ME1: variants seen among roughly 807,000 people sequenced by gnomAD.
ME1 encodes the protein NADP-dependent malic enzyme.
In ME1, 74 loss-of-function variants were observed where a neutral mutation model predicts 66.4. The observed-to-expected ratio is 1.11, with a 90% CI of 0.92 to 1.35. The LOEUF is 1.35. Ranked by LOEUF, ME1 falls within the 40% of genes most tolerant of loss-of-function variation. The pLI, the probability that ME1 is intolerant of heterozygous loss-of-function variation, is 0.00. For missense variants in ME1, 750 were observed against 694.1 expected (o/e 1.08, Z -0.90); for synonymous variants, 251 against 235.6 (o/e 1.07, Z -0.60).
intron 5 of ME1, 111 bp downstream of exon 5, chr6:83,346,057 AAAGAG>A: frequency 1.2e-6 from 1 of 815,952 alleles, no homozygotes; most frequent in South Asian, 2.4e-5. Flanking sequence ...TTGGAGAGAG[AAAGAG>A]AACCAGACAA....
chr6:83,320,700 A>G lies in ME1; in HGVS notation c.601-5287T>C, dbSNP rs1768152976. On this transcript the variant is annotated intron_variant, in intron 5 of 13. Transcript: ENST00000369705. ...GAAAAATTACACAATTGAGAAAAAA[A>G]TGCTACGTTTCCCCTTCTCTTTTCT... Among the ~76,000 whole-genome samples, 7 of 152,234 alleles carry G rather than the reference A, an allele frequency of 4.6e-5. No individual in the cohort carries two copies. The South Asian group carries it at 1.2e-3, about 27-fold the overall frequency.
At chr6:83,284,421 C>G (rs986906456) in intron 6 of ME1, among the ~76,000 whole-genome samples, 1 of 152,070 alleles carries the variant, frequency 6.6e-6, no homozygotes, top group African/African-American at 2.4e-5. Context: ...TCTACCAAAA[C>G]CTGGCAAAGA....
At chr6:83,406,187 T>C (rs949960136) in intron 2 of ME1, among the ~76,000 whole-genome samples, 4 of 152,202 alleles carry the variant, frequency 2.6e-5, no homozygotes, top group East Asian at 3.9e-4. Context: ...GCCAACTTGA[T>C]TGCGGTGGAT....
intron 4 of ME1, among the ~76,000 whole-genome samples, chr6:83,349,268 A>G: frequency 6.6e-6 from 1 of 152,104 alleles, no homozygotes; most frequent in Non-Finnish European, 1.5e-5. Context: ...TCAAAGAAAA[A>G]AAGTTTTGTC....
intron 3 of ME1, among the ~76,000 whole-genome samples, chr6:83,371,136 T>A (rs370925188): frequency 6.6e-6 from 1 of 152,210 alleles, no homozygotes; most frequent in African/African-American, 2.4e-5. Flanking sequence ...AACTTTCTAA[T>A]AATTTCATTT....
chr6:83,323,510 CAAA>C (rs70987748), intron 5 of ME1, among the ~76,000 whole-genome samples: 12 of 147,670 alleles, frequency 8.1e-5, no homozygotes, highest in Non-Finnish European at 1.5e-4. Flanking sequence ...AAACAAAAAA[CAAA>C]AAAAAAACCC....
chr6:83,265,677 G>A (rs1445311736), intron 6 of ME1, among the ~76,000 whole-genome samples: 2 of 152,134 alleles, frequency 1.3e-5, no homozygotes, highest in African/African-American at 2.4e-5. Flanking sequence ...TATTGTGGTT[G>A]TCTGGAACCA....
intron 6 of ME1, among the ~76,000 whole-genome samples, chr6:83,265,775 A>G (rs1352818622): frequency 6.6e-6 from 1 of 152,210 alleles, no homozygotes; most frequent in Non-Finnish European, 1.5e-5. Context: ...CCATATATTT[A>G]TGCAATGATG....
At chr6:83,229,288 G>T in intron 9 of ME1, 1 of 349,764 alleles carries the variant, frequency 2.9e-6, no homozygotes, top group Non-Finnish European at 5.4e-6. Context: ...TTTTATAGCA[G>T]GTCTCAGAAT....
At chr6:83,257,780 AT>A (rs1380469782) in intron 6 of ME1, among the ~76,000 whole-genome samples, 4 of 152,200 alleles carry the variant, frequency 2.6e-5, no homozygotes, top group African/African-American at 9.7e-5. Context: ...GTCAATAATC[AT>A]GAGGTGCTTG....
chr6:83,250,272 A>G (rs1182631500), intron 7 of ME1, among the ~76,000 whole-genome samples: 1 of 150,278 alleles, frequency 6.7e-6, no homozygotes, highest in East Asian at 1.9e-4. Flanking sequence ...ATTTCAAAGA[A>G]ATAAATATTT....
chr6:83,215,773 G>A (rs763152637), intron 13 of ME1, among the ~76,000 whole-genome samples: 1 of 152,160 alleles, frequency 6.6e-6, no homozygotes, highest in African/African-American at 2.4e-5. Flanking sequence ...TAGACTTCTA[G>A]CTCCCAGAAT....
At chr6:83,275,618 C>T (rs138229945) in intron 6 of ME1, among the ~76,000 whole-genome samples, 7 of 146,464 alleles carry the variant, frequency 4.8e-5, no homozygotes, top group Admixed American at 1.4e-4. Context: ...GGCGCCGCCA[C>T]CACGCCTGGC....
intron 9 of ME1, among the ~76,000 whole-genome samples, chr6:83,232,187 A>T (rs1428623345): frequency 6.6e-6 from 1 of 152,010 alleles, no homozygotes; most frequent in East Asian, 1.9e-4. Context: ...TGGACTACCT[A>T]CCCCCAATTT....
chr6:83,251,139 C>T (rs146764158), intron 7 of ME1, among the ~76,000 whole-genome samples: 144 of 152,246 alleles, frequency 9.5e-4, no homozygotes, highest in African/African-American at 3.3e-3. Context: ...GAACAAAATA[C>T]CCACGTTCTC....
chr6:83,397,937 T>C (rs1318777238), intron 3 of ME1, among the ~76,000 whole-genome samples: 2 of 152,110 alleles, frequency 1.3e-5, no homozygotes, highest in East Asian at 3.9e-4. Context: ...AAACTCATAG[T>C]AGCAAAGAGA....
At chr6:83,255,069 G>A (rs1056265369) in intron 6 of ME1, among the ~76,000 whole-genome samples, 27 of 152,012 alleles carry the variant, frequency 1.8e-4, no homozygotes, top group Non-Finnish European at 3.4e-4. Context: ...CTTCAATTAT[G>A]TTAATTTATA....
At chr6:83,330,701 T>TTCCTGC (rs1768389138) in intron 5 of ME1, among the ~76,000 whole-genome samples, 1 of 152,124 alleles carries the variant, frequency 6.6e-6, no homozygotes, top group Non-Finnish European at 1.5e-5. Context: ...TTTCAAGGAG[T>TTCCTGC]TCCTGCTAGT....
chr6:83,230,751 G>A (rs969003832), intron 9 of ME1, among the ~76,000 whole-genome samples: 22 of 152,036 alleles, frequency 1.4e-4, no homozygotes, highest in Non-Finnish European at 2.8e-4. Flanking sequence ...TTAACACGGT[G>A]AAACCCCGTC....
Sources: allele counts gnomAD v4.1 joint callset (sites outside exome capture counted in the v4.1 genomes callset), GRCh38; gene constraint gnomAD v4.1.1; transcripts MANE v1.5; gene names NCBI Gene and HGNC (gene_info 2026-07-23, HGNC 2026-07-21).